Variants in CDH4 observed in about 807,000 individuals in gnomAD.
CDH4 encodes cadherin 4.
A neutral mutation model predicts 86.0 loss-of-function variants in CDH4; 33 were observed. That is an observed-to-expected ratio of 0.38 (90% CI 0.29 to 0.51). CDH4 has a LOEUF of 0.51. Among genes scored for constraint, CDH4 ranks in the 20% least tolerant of loss-of-function variants. The pLI, the probability that CDH4 is intolerant of heterozygous loss-of-function variation, is 0.86. For missense variants in CDH4, 1,114 were observed against 1,307.4 expected, an observed-to-expected ratio of 0.85 and a Z score of 2.28; for synonymous variants, 555 against 549.4, an observed-to-expected ratio of 1.01 and a Z score of -0.14.
chr20:61,835,378 T>TA (rs775138615), intron 4 of CDH4, among the ~76,000 whole-genome samples: 17 of 151,926 alleles, frequency 1.1e-4, no homozygotes, highest in Admixed American at 4.6e-4. Context: ...TTCTTAATAA[T>TA]AAAAAAAATA....
chr20:61,508,672 G>T (rs1418365018), intron 2 of CDH4, among the ~76,000 whole-genome samples: 2 of 152,252 alleles, frequency 1.3e-5, no homozygotes, highest in Admixed American at 6.5e-5. Flanking sequence ...GGCAGGGCTG[G>T]CCTCAGGACA....
chr20:61,679,879 C>T (rs1360761232), intron 2 of CDH4, among the ~76,000 whole-genome samples: 2 of 152,212 alleles, frequency 1.3e-5, no homozygotes, highest in East Asian at 3.9e-4. Flanking sequence ...GGTGGACTTC[C>T]AAGGCTCTTC....
chr20:61,806,578 C>G (rs934705748), intron 4 of CDH4, among the ~76,000 whole-genome samples: 3 of 151,858 alleles, frequency 2.0e-5, no homozygotes, highest in African/African-American at 7.3e-5. Context: ...CGCGCACGCA[C>G]ACACACATGC....
Position 61,829,469 on chromosome 20 carries a change from A to G in CDH4, c.577-15199A>G, listed in dbSNP as rs1981486491. ...GTGCTGCCGGGCACGTCTGTGTGCAAGGCTTTCTGTGGACAGATGTTGATT... is the reference window on the plus strand; with the variant it reads ...GTGCTGCCGGGCACGTCTGTGTGCAGGGCTTTCTGTGGACAGATGTTGATT... On this transcript the variant is annotated intron_variant, in intron 4 of 15. Coordinates refer to ENST00000614565, the MANE Select transcript of CDH4 (RefSeq NM_001794.5). This position sits in a 1 kb window ranked among gnomAD's most constrained non-coding sequence, Gnocchi z 4.2. Among the ~76,000 whole-genome samples the G allele has an allele frequency of 6.6e-6, 1 of 152,182 alleles. No homozygotes were observed. The highest frequency in any genetic ancestry group is 2.4e-5 in the African/African-American group (1 of 41,450).
At chr20:61,755,458 C>G (rs947805843) in intron 3 of CDH4, among the ~76,000 whole-genome samples, 3 of 137,846 alleles carry the variant, frequency 2.2e-5, no homozygotes, top group African/African-American at 9.7e-5. Flanking sequence ...ACCCCGTACA[C>G]ACCACACACA....
chr20:61,650,472 C>T (rs1008784841), intron 2 of CDH4, among the ~76,000 whole-genome samples: 2 of 152,174 alleles, frequency 1.3e-5, no homozygotes, highest in Middle Eastern at 3.2e-3. Flanking sequence ...TATCTGGAAG[C>T]GTGGGTAAAT....
intron 2 of CDH4, among the ~76,000 whole-genome samples, chr20:61,397,966 G>A (rs947297172): frequency 3.9e-5 from 6 of 152,146 alleles, no homozygotes; most frequent in African/African-American, 1.4e-4. Flanking sequence ...TGACCTGCCC[G>A]ATGGAGCAGG....
chr20:61,851,315 T>C (rs1239815795), intron 5 of CDH4, among the ~76,000 whole-genome samples: 1 of 152,188 alleles, frequency 6.6e-6, no homozygotes, highest in Non-Finnish European at 1.5e-5. Flanking sequence ...ACACACAATG[T>C]AGGGGGTAAA....
chr20:61,794,385 C>T (rs6061822), intron 4 of CDH4, among the ~76,000 whole-genome samples: 2 of 152,156 alleles, frequency 1.3e-5, no homozygotes, highest in Admixed American at 6.5e-5. Flanking sequence ...CCTGGGAACC[C>T]GTCGTTCCCC....
intron 2 of CDH4, among the ~76,000 whole-genome samples, chr20:61,261,147 G>A (rs1411514561): frequency 1.3e-5 from 2 of 152,204 alleles, no homozygotes; most frequent in Non-Finnish European, 2.9e-5. Flanking sequence ...TAGGCTCAAG[G>A]AGGTGGCCAC....
intron 2 of CDH4, among the ~76,000 whole-genome samples, chr20:61,647,693 G>A (rs1018081767): frequency 2.6e-5 from 4 of 151,952 alleles, no homozygotes; most frequent in African/African-American, 9.7e-5. Context: ...TTCCAAATGT[G>A]GAGAAGAGCC....
At chr20:61,295,732 G>T (rs959171915) in intron 2 of CDH4, among the ~76,000 whole-genome samples, 1 of 152,198 alleles carries the variant, frequency 6.6e-6, no homozygotes, top group East Asian at 1.9e-4. Context: ...GAAAAGCGGG[G>T]AAGGAGGCGG....
intron 2 of CDH4, among the ~76,000 whole-genome samples, chr20:61,491,492 C>G (rs1413181025): frequency 6.6e-6 from 1 of 152,152 alleles, no homozygotes. Flanking sequence ...AGGGTGCCTA[C>G]AACTGTGCAC....
chr20:61,342,334 G>A lies in CDH4; in HGVS notation c.169+87397G>A, dbSNP rs1377420956. 2.6e-5 allele frequency among the ~76,000 whole-genome samples: 4 copies of A among 152,164 alleles called. No individual in the cohort carries two copies. In the South Asian group the frequency reaches 6.2e-4, roughly 24 times the overall value. ...AAAGAATTACACAACTCACCATGAC[G>A]TACAGTCAGTGGGAGCCCTGAGCTT... On this transcript the variant is annotated intron_variant, in intron 2 of 15. Transcript: ENST00000614565.
At chr20:61,651,127 G>A (rs990661139) in intron 2 of CDH4, among the ~76,000 whole-genome samples, 4 of 151,616 alleles carry the variant, frequency 2.6e-5, no homozygotes, top group Admixed American at 1.3e-4. Context: ...GTGCTTGGCC[G>A]TGCACTGGTG....
chr20:61,858,363 G>A (rs373605387), intron 6 of CDH4, among the ~76,000 whole-genome samples: 4 of 150,796 alleles, frequency 2.7e-5, no homozygotes, highest in South Asian at 2.1e-4. Flanking sequence ...CTCTCTGTGC[G>A]TGTCTCTGTG....
chr20:61,929,664 C>T lies in CDH4; in HGVS notation c.2061C>T (p.Asp687=), dbSNP rs139822630. 3.3e-4 allele frequency: 530 copies of T among 1,614,140 alleles called. 8 individuals are homozygous for T. The African/African-American group carries it at 5.5e-3, about 17-fold the overall frequency. Residue 687 remains aspartate (D), a synonymous_variant, in exon 13 of 16, where the codon GAC becomes GAT. Coordinates refer to ENST00000614565, the MANE Select transcript of CDH4 (RefSeq NM_001794.5). ...TGTACCTGGAGGCCGGGATGTATGA[C>T]GTCCCCATCATCGTCACAGACTCTG... ...RILYLEAGMY[D]VPIIVTDSGN...
At chr20:61,847,500 C>T (rs533046869) in intron 5 of CDH4, among the ~76,000 whole-genome samples, 2 of 152,334 alleles carry the variant, frequency 1.3e-5, no homozygotes, top group Admixed American at 1.3e-4. Flanking sequence ...GGGAGGAATC[C>T]AGCGCCCCCA....
chr20:61,893,855 A>G (rs1415640148), intron 7 of CDH4, among the ~76,000 whole-genome samples: 1 of 151,650 alleles, frequency 6.6e-6, no homozygotes, highest in Non-Finnish European at 1.5e-5. Context: ...GGGTGGATGG[A>G]TGGATGGATG....
Sources: allele counts gnomAD v4.1 joint callset (sites outside exome capture counted in the v4.1 genomes callset), GRCh38; gene constraint gnomAD v4.1.1; non-coding constraint Gnocchi (gnomAD v3.1); transcripts MANE v1.5; gene names NCBI Gene and HGNC (gene_info 2026-07-23, HGNC 2026-07-21).